The following MRC1 variants were observed in gnomAD, a reference collection of about 807,000 sequenced individuals.
MRC1 encodes the protein macrophage mannose receptor 1.
A neutral mutation model predicts 102.9 loss-of-function variants in MRC1; 62 were observed. The observed-to-expected ratio is 0.60, with a 90% CI of 0.49 to 0.74. The LOEUF is 0.74. MRC1 is among the 30% of genes least tolerant of loss of function. The pLI, the probability that MRC1 is intolerant of heterozygous loss-of-function variation, is 0.00. For missense variants in MRC1, 1,237 were observed against 862.8 expected (o/e 1.43, Z -5.43); for synonymous variants, 457 against 298.4 (o/e 1.53, Z -5.48).
At chr10:17,837,215 G>A (rs1432047214) in intron 4 of MRC1, among the ~76,000 whole-genome samples, 2 of 152,306 alleles carry the variant, frequency 1.3e-5, no homozygotes, top group East Asian at 3.9e-4. Context: ...ATACTTACTT[G>A]AATCTTATCC....
chr10:17,856,135 A>T (rs1169190919), intron 8 of MRC1, 107 bp from the exon 9 acceptor site: 3 of 689,850 alleles, frequency 4.3e-6, no homozygotes, highest in Non-Finnish European at 7.6e-6. Flanking sequence ...GCGCCACTGC[A>T]CTCCAGCCTG....
chr10:17,909,849 T>G (rs1334664966), intron 29 of MRC1, among the ~76,000 whole-genome samples: 1 of 152,160 alleles, frequency 6.6e-6, no homozygotes, highest in Non-Finnish European at 1.5e-5. Context: ...TATTCTTATT[T>G]TATTTTTCTC....
At chr10:17,825,224 G>T (rs1483102860) in intron 2 of MRC1, among the ~76,000 whole-genome samples, 1 of 152,280 alleles carries the variant, frequency 6.6e-6, no homozygotes, top group Non-Finnish European at 1.5e-5. Flanking sequence ...GAGAACATGG[G>T]GGAGGGGTAG....
rs1037297821 is a variant in MRC1 at position 17,831,969 on chromosome 10, G to C, written c.638-1706G>C. Among the ~76,000 whole-genome samples, 1,045 of 151,774 alleles carry C rather than the reference G, an allele frequency of 6.9e-3. 11 individuals carry two copies. Among genetic ancestry groups the C allele is most frequent in the Non-Finnish European group, 0.011 (779 of 68,028 alleles). ...ATTTTTTACTCTGTGGAATGAAAAA[G>C]TTACAAGCAACATTTGCTATTGCTA... On this transcript the variant is annotated intron_variant, in intron 3 of 29. Coordinates refer to ENST00000569591, the MANE Select transcript of MRC1 (RefSeq NM_002438.4).
intron 5 of MRC1, 77 bp downstream of exon 5, chr10:17,840,883 C>T (rs1437831223): frequency 1.3e-6 from 1 of 779,180 alleles, no homozygotes; most frequent in Non-Finnish European, 2.4e-6. Context: ...TATTATCTCA[C>T]CTGTTGATCT....
chr10:17,848,375 G>A (rs994685746), intron 6 of MRC1, among the ~76,000 whole-genome samples: 1 of 151,992 alleles, frequency 6.6e-6, no homozygotes, highest in South Asian at 2.1e-4. Flanking sequence ...TACTCAATAC[G>A]CTTATATGTA....
At chr10:17,843,716 T>G (rs1457478781) in intron 5 of MRC1, among the ~76,000 whole-genome samples, 3 of 152,194 alleles carry the variant, frequency 2.0e-5, no homozygotes, top group African/African-American at 7.2e-5. Flanking sequence ...TTATTTTCTT[T>G]GTGTGGTAGT....
intron 2 of MRC1, among the ~76,000 whole-genome samples, chr10:17,823,749 G>T (rs1179187193): frequency 6.6e-6 from 1 of 152,090 alleles, no homozygotes. Context: ...TTAACTATGG[G>T]CTACATTTTT....
At chr10:17,844,676 C>T (rs1244561337) in intron 5 of MRC1, among the ~76,000 whole-genome samples, 3 of 152,148 alleles carry the variant, frequency 2.0e-5, no homozygotes, top group African/African-American at 7.2e-5. Flanking sequence ...ATCCCATCAA[C>T]CAGGCAGTGA....
At chr10:17,816,797 T>C (rs1838319407) in intron 1 of MRC1, among the ~76,000 whole-genome samples, 1 of 152,232 alleles carries the variant, frequency 6.6e-6, no homozygotes, top group Non-Finnish European at 1.5e-5. Flanking sequence ...AGCATTTTAT[T>C]TGCTGATAGT....
chr10:17,832,047 A>C (rs1838582186), intron 3 of MRC1, among the ~76,000 whole-genome samples: 1 of 151,596 alleles, frequency 6.6e-6, no homozygotes, highest in African/African-American at 2.4e-5. Context: ...GAGACTTCAA[A>C]AGTTAATAAT....
At chr10:17,814,946 G>A (rs1164139189) in intron 1 of MRC1, among the ~76,000 whole-genome samples, 8 of 152,002 alleles carry the variant, frequency 5.3e-5, no homozygotes, top group African/African-American at 1.4e-4. Context: ...GATTACAGGC[G>A]GGAGCCACCG....
chr10:17,863,175 G>A, intron 10 of MRC1: 1 of 248,010 alleles, frequency 4.0e-6, no homozygotes, highest in South Asian at 5.1e-5. Flanking sequence ...TTTGAAGAGT[G>A]GACTGATTTT....
chr10:17,878,587 A>AT (rs1462592960), intron 18 of MRC1, among the ~76,000 whole-genome samples: 3 of 152,084 alleles, frequency 2.0e-5, no homozygotes, highest in South Asian at 2.1e-4. Context: ...TCATGTGCAG[A>AT]TTTTTTTAGC....
intron 9 of MRC1, among the ~76,000 whole-genome samples, chr10:17,859,167 T>C (rs1329189548): frequency 6.6e-6 from 1 of 152,234 alleles, no homozygotes; most frequent in Non-Finnish European, 1.5e-5. Flanking sequence ...CCTCCTTTTC[T>C]TTGTGCATAC....
chr10:17,863,540 A>G lies in MRC1; in HGVS notation c.1641A>G (p.Glu547=), dbSNP rs1833215804. The change falls in exon 11 of 30, where the codon GAA becomes GAG. Residue 547 remains glutamate (E), a synonymous_variant. Transcript: ENST00000569591. ...TTAATTCTTCTTTTTAAAGATATGA[A>G]CAAGCCTTCCTGACTAGTTTCGTTG... ...AYLTTIEDRY[E]QAFLTSFVGL... is the part of the protein sequence containing the mutation. 2.6e-6 allele frequency: 2 copies of G among 780,788 alleles called. No homozygotes were observed. The highest frequency in any genetic ancestry group is 4.8e-6 in the Non-Finnish European group (2 of 417,970). 48.4% of individuals were successfully genotyped at this position (780,788 alleles called of 1,614,324 possible). A position where few individuals can be genotyped will look rare whatever the true frequency, so the allele number is the denominator to read the frequency against.
intron 9 of MRC1, 101 bp from the exon 10 acceptor site, chr10:17,861,286 C>T: frequency 1.6e-6 from 1 of 621,870 alleles, no homozygotes; most frequent in East Asian, 3.1e-5. Context: ...GTACTCCAGC[C>T]TGGGCGACAA....
chr10:17,831,431 T>C (rs1428890699), intron 3 of MRC1, among the ~76,000 whole-genome samples: 1 of 151,480 alleles, frequency 6.6e-6, no homozygotes, highest in Non-Finnish European at 1.5e-5. Flanking sequence ...ATTTGTATGC[T>C]GTTGCCTGAA....
chr10:17,861,388 G>C lies in MRC1; in HGVS notation c.1520G>C (p.Gly507Ala), dbSNP rs1833182031. 1 of 871,904 alleles carries C rather than the reference G, an allele frequency of 1.1e-6. No homozygotes were observed. The highest frequency in any genetic ancestry group is 2.4e-5 in the East Asian group (1 of 41,602). The allele number at this position is 871,904 out of a possible 1,614,324, so 54.0% of individuals were successfully genotyped here. ...TTCACTGCTTGATAACATTAATAGG[G>C]CTGGAAAAAACATCACTTTTACTGC... ...IVEVEKGCRK[G>A]WKKHHFYCYM... is the part of the protein sequence containing the mutation. The change falls in exon 10 of 30, where the codon GGC becomes GCC. Residue 507 changes from glycine (G) to alanine (A), a missense_variant and splice_region_variant. Coordinates refer to ENST00000569591, the MANE Select transcript of MRC1 (RefSeq NM_002438.4).
Sources: gnomAD v4.1 joint callset for allele counts (sites outside exome capture counted in the v4.1 genomes callset) on GRCh38, gnomAD v4.1.1 for gene constraint, MANE v1.5 for transcripts, NCBI Gene and HGNC (gene_info 2026-07-23, HGNC 2026-07-21) for gene names.